The following UNC13C variants were observed in gnomAD, a reference collection of about 807,000 sequenced individuals.
UNC13C encodes the protein unc-13 homolog C, also known as protein unc-13 homolog C.
A neutral mutation model predicts 245.4 loss-of-function variants in UNC13C; 174 were observed. The observed-to-expected ratio is 0.71, with a 90% CI of 0.63 to 0.80. The LOEUF is 0.80. UNC13C is among the 30% of genes least tolerant of loss of function. The probability of loss-of-function intolerance (pLI) is 0.00; values close to 1 mark genes in which losing one functional copy is unlikely to be tolerated. For synonymous variants in UNC13C, 992 were observed against 895.1 expected (o/e 1.11, Z -1.93); for missense variants, 2,829 against 2,602.9 (o/e 1.09, Z -1.89).
chr15:54,335,988 A>G (rs1307909461), intron 16 of UNC13C, among the ~76,000 whole-genome samples: 3 of 151,924 alleles, frequency 2.0e-5, no homozygotes, highest in Non-Finnish European at 2.9e-5. Flanking sequence ...AGTAGAAGTG[A>G]CGTTGCATTA....
chr15:54,190,448 A>T (rs919118372), intron 4 of UNC13C, among the ~76,000 whole-genome samples: 2 of 152,068 alleles, frequency 1.3e-5, no homozygotes, highest in African/African-American at 4.8e-5. Context: ...CTTTTTAGTG[A>T]TGTTCTATGT....
intron 13 of UNC13C, chr15:54,320,678 C>T (rs996858370): frequency 4.5e-5 from 15 of 334,270 alleles, no homozygotes; most frequent in African/African-American, 2.8e-4. Context: ...TTCCTTGTCA[C>T]TTCTCTGGCT....
chr15:54,246,050 A>C lies in UNC13C; in HGVS notation c.3229-4175A>C, dbSNP rs1054990245. On this transcript the variant is annotated intron_variant, in intron 7 of 32. Transcript: ENST00000260323. ...GTAGATTAGAATATTGATGGTCTGA[A>C]AACACTAGTCATTGCTCTTGGCAGG... Among the ~76,000 whole-genome samples, 5 of 152,324 alleles carry C rather than the reference A, an allele frequency of 3.3e-5. 1 individual carries two copies. In the South Asian group the frequency reaches 1.0e-3, roughly 32 times the overall value.
intron 8 of UNC13C, among the ~76,000 whole-genome samples, chr15:54,251,489 T>C (rs1029901243): frequency 1.3e-5 from 2 of 152,184 alleles, no homozygotes; most frequent in East Asian, 3.9e-4. Flanking sequence ...CTTGAATGAG[T>C]ACATGCCACT....
chr15:54,295,591 C>T (rs1252494262), intron 11 of UNC13C, among the ~76,000 whole-genome samples: 1 of 151,308 alleles, frequency 6.6e-6, no homozygotes, highest in African/African-American at 2.4e-5. Flanking sequence ...ACTGAGGCTG[C>T]AGTGGACTAA....
intron 8 of UNC13C, among the ~76,000 whole-genome samples, chr15:54,255,391 GCTGTCCTCTGA>G (rs1415379453): frequency 6.6e-6 from 1 of 152,144 alleles, no homozygotes; most frequent in East Asian, 1.9e-4. Flanking sequence ...GGAGGCCCAG[GCTGTCCTCTGA>G]CTGCCCTGGC....
chr15:54,440,069 G>T (rs1235863904), intron 19 of UNC13C, among the ~76,000 whole-genome samples: 1 of 151,834 alleles, frequency 6.6e-6, no homozygotes, highest in Non-Finnish European at 1.5e-5. Context: ...GACGTTATTG[G>T]GTCATGGGGG....
In UNC13C at chr15:54,623,843, C is replaced by CCTTTGTGGAAGTTTGTAT; in HGVS notation, c.6249_6266dup (p.Phe2084_Ile2089dup). On this transcript the variant is annotated inframe_insertion, in exon 32 of 33. Coordinates refer to ENST00000260323, the MANE Select transcript of UNC13C (RefSeq NM_001080534.3). ...TGGCAGACCACAGCAATGTTCCGCCCCTTTGTGGAAGTTTGTATACTGGGA... is the reference window on the plus strand; with the variant it reads ...TGGCAGACCACAGCAATGTTCCGCCCCTTTGTGGAAGTTTGTATCTTTGTGGAAGTTTGTATACTGGGA... 6.2e-7 allele frequency: 1 copy of CCTTTGTGGAAGTTTGTAT among 1,612,980 alleles called. No homozygotes were observed. Among genetic ancestry groups the CCTTTGTGGAAGTTTGTAT allele is most frequent in the African/African-American group, 1.3e-5 (1 of 74,930 alleles).
intron 17 of UNC13C, among the ~76,000 whole-genome samples, chr15:54,352,150 T>A (rs1028730070): frequency 2.0e-5 from 3 of 151,660 alleles, no homozygotes; most frequent in African/African-American, 2.4e-5. Context: ...TAAAATTCTC[T>A]CTATATGGTT....
chr15:54,525,232 A>G (rs1004205589), intron 24 of UNC13C, among the ~76,000 whole-genome samples: 11 of 152,136 alleles, frequency 7.2e-5, no homozygotes, highest in African/African-American at 2.7e-4. Flanking sequence ...TAAATTACGG[A>G]ATTATCATGT....
chr15:54,096,334 A>C (rs1485615419), intron 2 of UNC13C, among the ~76,000 whole-genome samples: 1 of 3,602 alleles, frequency 2.8e-4, no homozygotes, highest in Non-Finnish European at 5.2e-4. Flanking sequence ...TCATTTCTCT[A>C]TTTGGAAAAA....
intron 19 of UNC13C, among the ~76,000 whole-genome samples, chr15:54,415,721 T>C (rs1424722375): frequency 6.6e-6 from 1 of 152,134 alleles, no homozygotes; most frequent in Non-Finnish European, 1.5e-5. Flanking sequence ...TAAATGACCA[T>C]TGGTGCACTG....
intron 28 of UNC13C, among the ~76,000 whole-genome samples, chr15:54,552,198 T>TA (rs1896766687): frequency 7.0e-6 from 1 of 141,880 alleles, no homozygotes; most frequent in Admixed American, 7.9e-5. Context: ...CATTTTCTAT[T>TA]ACTTCATAAT....
intron 30 of UNC13C, among the ~76,000 whole-genome samples, chr15:54,605,611 C>A (rs1297673768): frequency 6.6e-6 from 1 of 152,084 alleles, no homozygotes; most frequent in East Asian, 1.9e-4. Context: ...TTTTAAAGTT[C>A]CTCAGGTGTT....
At chr15:54,362,215 C>G (rs1161891289) in intron 17 of UNC13C, among the ~76,000 whole-genome samples, 1 of 152,228 alleles carries the variant, frequency 6.6e-6, no homozygotes, top group Non-Finnish European at 1.5e-5. Context: ...CACTCCCAGT[C>G]TTTCCAGTGG....
chr15:53,982,895 A>G (rs1893980988), intron 1 of UNC13C, among the ~76,000 whole-genome samples: 1 of 152,196 alleles, frequency 6.6e-6, no homozygotes, highest in African/African-American at 2.4e-5. Flanking sequence ...AAATGTAGCT[A>G]CAGAATTACT....
At chr15:53,976,026 G>T (rs573236557), upstream of UNC13C, among the ~76,000 whole-genome samples, 17 of 152,082 alleles carry the variant, frequency 1.1e-4, no homozygotes, top group African/African-American at 4.1e-4. Flanking sequence ...AAATCTCATC[G>T]TTGTAATTAC....
chr15:54,095,211 C>G (rs568008097), intron 2 of UNC13C, among the ~76,000 whole-genome samples: 1 of 152,334 alleles, frequency 6.6e-6, no homozygotes, highest in African/African-American at 2.4e-5. Flanking sequence ...CATCGTGCCT[C>G]TCAAACTCTA....
At chr15:53,884,794 C>G in the UNC13C span, among the ~76,000 whole-genome samples, 1 of 152,132 alleles carries the variant, frequency 6.6e-6, no homozygotes, top group Non-Finnish European at 1.5e-5. Context: ...TAAAGAAGGA[C>G]TCTCTTCTCT....
Sources: allele counts gnomAD v4.1 joint callset (sites outside exome capture counted in the v4.1 genomes callset), GRCh38; gene constraint gnomAD v4.1.1; transcripts MANE v1.5; gene names NCBI Gene and HGNC (gene_info 2026-07-23, HGNC 2026-07-21).